The following NEDD9 variants were observed in gnomAD, a reference collection of about 807,000 sequenced individuals.
The protein encoded by NEDD9 is enhancer of filamentation 1.
A neutral mutation model predicts 76.6 loss-of-function variants in NEDD9; 26 were observed. That is an observed-to-expected ratio of 0.34 (90% confidence interval 0.25 to 0.47). The LOEUF (loss-of-function observed/expected upper bound fraction) is 0.47. Among genes scored for constraint, NEDD9 ranks in the 20% least tolerant of loss-of-function variants. NEDD9 has a pLI of 1.00. For missense variants in NEDD9, 937 were observed against 1,058.5 expected (o/e 0.89, Z 1.59); for synonymous variants, 392 against 414.2 (o/e 0.95, Z 0.65).
chr6:11,332,345 G>A (rs916233241), intron 2 of NEDD9, among the ~76,000 whole-genome samples: 1 of 152,178 alleles, frequency 6.6e-6, no homozygotes, highest in Non-Finnish European at 1.5e-5. Context: ...ACTTCACTGA[G>A]TGTGAATTTG....
chr6:11,337,223 C>CA (rs1270839209), intron 1 of NEDD9, among the ~76,000 whole-genome samples: 1 of 151,998 alleles, frequency 6.6e-6, no homozygotes, highest in African/African-American at 2.4e-5. Context: ...GTCTCAAAAA[C>CA]AAAAACAAAA....
At chr6:11,290,358 A>G (rs911490641) in intron 3 of NEDD9, among the ~76,000 whole-genome samples, 1 of 152,222 alleles carries the variant, frequency 6.6e-6, no homozygotes, top group Non-Finnish European at 1.5e-5. Flanking sequence ...AATCAAACAC[A>G]AAACACAAGC....
chr6:11,333,368 A>G (rs1036480039), intron 2 of NEDD9, among the ~76,000 whole-genome samples: 2 of 152,242 alleles, frequency 1.3e-5, no homozygotes, highest in African/African-American at 2.4e-5. Context: ...GCCTGGGTCA[A>G]TTAGTCAGTT....
intron 2 of NEDD9, among the ~76,000 whole-genome samples, chr6:11,210,378 GC>G (rs1758745363): frequency 1.3e-5 from 2 of 152,158 alleles, no homozygotes; most frequent in African/African-American, 4.8e-5. Context: ...TTATTCAAGA[GC>G]TTTTAAAGAC....
In NEDD9 at chr6:11,185,157, T is replaced by C. The variant is rs1470227702; in HGVS notation, c.*5A>G. Reference sequence around the variant, plus strand: ...AACGCAGTCCCCTTCCTCTTTTTTTTCTTCTCAGAACGTTGCCATCTCCAG... The same window carrying C: ...AACGCAGTCCCCTTCCTCTTTTTTTCCTTCTCAGAACGTTGCCATCTCCAG... On this transcript the variant is annotated 3_prime_UTR_variant, in exon 7 of 7. Coordinates refer to ENST00000379446, the MANE Select transcript of NEDD9 (RefSeq NM_006403.4). 3 of 1,601,818 alleles carry C rather than the reference T, an allele frequency of 1.9e-6. No homozygotes were observed. Among genetic ancestry groups the C allele is most frequent in the African/African-American group, 2.7e-5 (2 of 74,452 alleles).
chr6:11,355,930 C>T lies in NEDD9; in HGVS notation c.-213-21369G>A, dbSNP rs188751292. On this transcript the variant is annotated intron_variant, in intron 1 of 3. Transcript: ENST00000397378. ...TAGAGACGGGGTTTCACCGTGTTAG[C>T]CAGGATGGTCTCGATCTCCTGACCT... Among the ~76,000 whole-genome samples the T allele has an allele frequency of 3.4e-3, 522 of 152,188 alleles. 4 individuals are homozygous for T. The highest frequency in any genetic ancestry group is 0.012 in the African/African-American group (490 of 41,522).
intron 2 of NEDD9, among the ~76,000 whole-genome samples, chr6:11,206,388 C>T (rs996441903): frequency 6.6e-6 from 1 of 152,130 alleles, no homozygotes; most frequent in African/African-American, 2.4e-5. Context: ...CATTGCATTC[C>T]AGCCTGGACA....
At chr6:11,253,222 C>G (rs1000158440) in intron 3 of NEDD9, among the ~76,000 whole-genome samples, 1 of 152,042 alleles carries the variant, frequency 6.6e-6, no homozygotes, top group African/African-American at 2.4e-5. Context: ...ACTTACAACC[C>G]ATGTTGATAA....
intron 3 of NEDD9, among the ~76,000 whole-genome samples, chr6:11,289,046 T>C (rs1561817606): frequency 6.6e-6 from 1 of 152,250 alleles, no homozygotes; most frequent in Non-Finnish European, 1.5e-5. Flanking sequence ...TCTCCTGCCA[T>C]TGATTTGAGT....
At chr6:11,225,801 T>C (rs1039529620) in intron 1 of NEDD9, among the ~76,000 whole-genome samples, 16 of 33,294 alleles carry the variant, frequency 4.8e-4, no homozygotes, top group Admixed American at 3.7e-3. Flanking sequence ...GCGCCCGGCC[T>C]TTTTTTTTTT....
At position 11,252,150 on chromosome 6, in the gene NEDD9, G is replaced by C. The variant is rs1361686910; in HGVS notation, c.13-38423C>G. On this transcript the variant is annotated intron_variant, in intron 3 of 3. Transcript: ENST00000397378. This position sits in a 1 kb window ranked among gnomAD's most constrained non-coding sequence, Gnocchi z 4.3. ...AGCTGGGCGCTGTAGTGCTCTCTCA[G>C]CCAGATCTTCATTTCATGTCTGTCC... Among the ~76,000 whole-genome samples, 2 of 152,154 alleles carry C rather than the reference G, an allele frequency of 1.3e-5. No individual in the cohort carries two copies. Among genetic ancestry groups the C allele is most frequent in the African/African-American group, 4.8e-5 (2 of 41,420 alleles).
intron 1 of NEDD9, among the ~76,000 whole-genome samples, chr6:11,350,599 T>G (rs1175367814): frequency 6.6e-6 from 1 of 152,210 alleles, no homozygotes; most frequent in African/African-American, 2.4e-5. Context: ...TCACAGACTC[T>G]CAGAGTGGAC....
At chr6:11,223,451 T>G (rs1186725852) in intron 1 of NEDD9, among the ~76,000 whole-genome samples, 2 of 151,182 alleles carry the variant, frequency 1.3e-5, no homozygotes, top group Non-Finnish European at 2.9e-5. Flanking sequence ...TCTTAAGAAC[T>G]GTACTCCTCC....
chr6:11,353,929 G>A (rs574042900), intron 1 of NEDD9, among the ~76,000 whole-genome samples: 1 of 152,348 alleles, frequency 6.6e-6, no homozygotes, highest in South Asian at 2.1e-4. Flanking sequence ...GGCAGGAAGA[G>A]TGATGGGGGC....
intron 1 of NEDD9, among the ~76,000 whole-genome samples, chr6:11,374,505 C>A (rs1371763421): frequency 6.6e-6 from 1 of 152,116 alleles, no homozygotes; most frequent in Non-Finnish European, 1.5e-5. Flanking sequence ...TATTTCCACT[C>A]TTTACAAGTG....
chr6:11,352,912 CAG>C (rs2113537943), intron 1 of NEDD9: 1 of 152,374 alleles, frequency 6.6e-6, no homozygotes, highest in Admixed American at 6.5e-5. Context: ...AACTCTTTGG[CAG>C]AGTTATTTGA....
intron 2 of NEDD9, among the ~76,000 whole-genome samples, chr6:11,330,985 C>A (rs1762025310): frequency 6.6e-6 from 1 of 150,882 alleles, no homozygotes; most frequent in Non-Finnish European, 1.5e-5. Context: ...TGTGTAGATA[C>A]TCTACTCTAC....
rs146543177 is a variant in NEDD9, at chr6:11,215,076, C to T, written c.13-1349G>A. On this transcript the variant is annotated intron_variant, in intron 1 of 6. Transcript: ENST00000379446. ...TCCCCTTGTGCTAGCCCCATTGCCA[C>T]GGGTCCTGTGTGTTTTCCGCTCTGG... Among the ~76,000 whole-genome samples, 224 of 152,276 alleles carry T rather than the reference C, an allele frequency of 1.5e-3. 3 individuals are homozygous for T. Among genetic ancestry groups the T allele is most frequent in the East Asian group, 5.8e-4 (3 of 5,186 alleles).
At chr6:11,195,119 G>A (rs1758257043) in intron 2 of NEDD9, among the ~76,000 whole-genome samples, 2 of 152,354 alleles carry the variant, frequency 1.3e-5, no homozygotes, top group Admixed American at 6.5e-5. Context: ...TCCATCTTAT[G>A]CTGAAATGGG....
Sources: gnomAD v4.1 joint callset for allele counts (sites outside exome capture counted in the v4.1 genomes callset) on GRCh38, gnomAD v4.1.1 for gene constraint, Gnocchi (gnomAD v3.1) non-coding constraint, MANE v1.5 for transcripts, NCBI Gene and HGNC (gene_info 2026-07-23, HGNC 2026-07-21) for gene names.